The following RNF8 variants were observed in gnomAD, a reference collection of about 807,000 sequenced individuals.
RNF8 encodes E3 ubiquitin-protein ligase RNF8.
RNF8 carries 8 observed loss-of-function variants against 59.3 expected under a neutral mutation model. That is an observed-to-expected ratio of 0.13 (90% CI 0.08 to 0.24). RNF8 has a LOEUF of 0.24. Ranked by LOEUF, RNF8 falls within the 10% of genes least tolerant of loss-of-function variation. The probability of loss-of-function intolerance (pLI) is 1.00; values close to 1 mark genes in which losing one functional copy is unlikely to be tolerated. For missense variants in RNF8, 406 were observed against 572.6 expected (o/e 0.71, Z 2.97); for synonymous variants, 162 against 200.0 (o/e 0.81, Z 1.60).
intron 5 of RNF8, among the ~76,000 whole-genome samples, 197 bp downstream of exon 5, chr6:37,374,906 G>A (rs1769948357): frequency 6.6e-6 from 1 of 152,182 alleles, no homozygotes. Flanking sequence ...CCCTTGTTCA[G>A]AAGCAAAATG....
chr6:37,371,861 A>AGAGGTG (rs1407677582), intron 4 of RNF8, among the ~76,000 whole-genome samples: 1 of 152,170 alleles, frequency 6.6e-6, no homozygotes, highest in African/African-American at 2.4e-5. Context: ...AAGTGGCTCC[A>AGAGGTG]CTTCTAGAAA....
At chr6:37,356,985 C>T (rs1034994474) in intron 1 of RNF8, among the ~76,000 whole-genome samples, 6 of 152,194 alleles carry the variant, frequency 3.9e-5, no homozygotes, top group African/African-American at 9.6e-5. Flanking sequence ...GTGATCCGCC[C>T]GCCTGGGCTT....
At chr6:37,375,821 C>G (rs1173696461) in intron 5 of RNF8, among the ~76,000 whole-genome samples, 2 of 152,246 alleles carry the variant, frequency 1.3e-5, no homozygotes, top group Non-Finnish European at 2.9e-5. Context: ...ATCCTCTCCC[C>G]CTCAGGGGCT....
chr6:37,368,515 G>A lies in RNF8; in HGVS notation c.272G>A (p.Arg91His), dbSNP rs149686329. 30 of 1,613,978 alleles carry A rather than the reference G, an allele frequency of 1.9e-5. No individual in the cohort carries two copies. The highest frequency in any genetic ancestry group is 6.7e-5 in the African/African-American group (5 of 74,892). ...AATGGTGTTTGGCTGAACAGAGCGC[G>A]TCTGGAACCTTTAAGGGTCTATTCC... ...SLNGVWLNRARLEPLRVYSIH... is the reference protein window; with the variant it reads ...SLNGVWLNRAHLEPLRVYSIH... The change falls in exon 3 of 8, where the codon CGT becomes CAT. Residue 91 changes from arginine (R) to histidine (H), a missense_variant. Coordinates refer to ENST00000373479, the MANE Select transcript of RNF8 (RefSeq NM_003958.4).
intron 6 of RNF8, among the ~76,000 whole-genome samples, chr6:37,380,539 C>T (rs557821477): frequency 2.1e-4 from 32 of 151,524 alleles, no homozygotes; most frequent in African/African-American, 5.3e-4. Flanking sequence ...GGTGTAGTGG[C>T]AGGCGCCTGT....
chr6:37,381,235 G>A lies in RNF8; in HGVS notation c.1322G>A (p.Arg441Gln), dbSNP rs553505501. Residue 441 changes from arginine (R) to glutamine (Q), a missense_variant, in exon 7 of 8, where the codon CGG becomes CAG. Physicochemically the swap from Arg to Gln is conservative, Grantham distance 43. Transcript: ENST00000373479. ...CGGAAGATAGAATGCCCCATTTGTCGGAAGGACATTAAGTCCAAAACGTAC... is the reference window on the plus strand; with the variant it reads ...CGGAAGATAGAATGCCCCATTTGTCAGAAGGACATTAAGTCCAAAACGTAC... ...MKRKIECPIC[R>Q]KDIKSKTYSL... 49 of 1,613,954 alleles carry A rather than the reference G, an allele frequency of 3.0e-5. No homozygotes were observed. Among genetic ancestry groups the A allele is most frequent in the East Asian group, 1.8e-4 (8 of 44,892 alleles).
intron 6 of RNF8, among the ~76,000 whole-genome samples, chr6:37,377,634 T>C (rs553451903): frequency 8.5e-4 from 130 of 152,372 alleles, no homozygotes; most frequent in Non-Finnish European, 1.7e-3. Flanking sequence ...TTTATCTCTT[T>C]GTTGTTGAGG....
intron 2 of RNF8, among the ~76,000 whole-genome samples, chr6:37,367,907 A>G (rs988120550): frequency 1.3e-5 from 2 of 152,226 alleles, no homozygotes; most frequent in African/African-American, 2.4e-5. Context: ...CCAGAGCTCC[A>G]GCTCTTAACC....
rs1316870372 is a variant in RNF8 at position 37,392,290 on chromosome 6, A to G, written c.*1532A>G. On this transcript the variant is annotated 3_prime_UTR_variant, in exon 8 of 8. Transcript: ENST00000373479. ...TTTTGTTTATAGATTGCATGGGTAT[A>G]TGTCAATTTTTATATGTTCTGTGTT... The G allele has an allele frequency of 7.6e-6, 3 of 396,746 alleles. No individual in the cohort carries two copies. Among genetic ancestry groups the G allele is most frequent in the East Asian group, 7.1e-5 (2 of 28,030 alleles). The allele number at this position is 396,746 out of a possible 1,614,324, so 24.6% of individuals were successfully genotyped here.
intron 7 of RNF8, among the ~76,000 whole-genome samples, chr6:37,388,079 T>C (rs1466217267): frequency 6.6e-6 from 1 of 152,134 alleles, no homozygotes; most frequent in African/African-American, 2.4e-5. Flanking sequence ...AGTCTGGCTG[T>C]AGTGAAGAGA....
chr6:37,381,409 C>T lies in RNF8; in HGVS notation c.1441+55C>T. 4 of 1,471,544 alleles carry T rather than the reference C, an allele frequency of 2.7e-6. No individual in the cohort carries two copies. The South Asian group carries it at 3.6e-5, about 13-fold the overall frequency. 91.2% of individuals were successfully genotyped at this position (1,471,544 alleles called of 1,614,324 possible). On this transcript the variant is annotated intron_variant, in intron 7 of 7. Coordinates refer to ENST00000373479, the MANE Select transcript of RNF8 (RefSeq NM_003958.4). ...AAGAAAGGACTTATTTACTTCCAAA[C>T]TTCAACAAATATTTTTGGAAAGAGA...
chr6:37,367,703 C>T (rs1432358674), intron 2 of RNF8, among the ~76,000 whole-genome samples: 1 of 152,190 alleles, frequency 6.6e-6, no homozygotes, highest in African/African-American at 2.4e-5. Flanking sequence ...CACTCCCAGA[C>T]AGTAAATATT....
intron 7 of RNF8, among the ~76,000 whole-genome samples, chr6:37,385,140 A>G (rs1027543728): frequency 6.6e-6 from 1 of 151,610 alleles, no homozygotes; most frequent in East Asian, 2.0e-4. Flanking sequence ...CACCCTCCCA[A>G]GTAGCTGGGA....
Position 37,374,614 on chromosome 6 carries a change from T to C in RNF8, c.1039-6T>C, listed in dbSNP as rs1769935940. 6.2e-7 allele frequency: 1 copy of C among 1,612,010 alleles called. No individual in the cohort carries two copies. The highest frequency in any genetic ancestry group is 1.7e-5 in the Admixed American group (1 of 59,980). ...TCCTGAGTATGTATCTGCTATGTTT[T>C]TGCAGCATTGGGCTCTAATGGAAGA... is the stretch of plus-strand genomic sequence containing the variant. On this transcript the variant is annotated splice_polypyrimidine_tract_variant and splice_region_variant and intron_variant, in intron 4 of 7. Coordinates refer to ENST00000373479, the MANE Select transcript of RNF8 (RefSeq NM_003958.4).
chr6:37,371,934 T>TG (rs1215578870), intron 4 of RNF8, among the ~76,000 whole-genome samples: 1 of 152,212 alleles, frequency 6.6e-6, no homozygotes, highest in African/African-American at 2.4e-5. Context: ...TGAAGGCCTC[T>TG]GTTACCGCAA....
At position 37,381,250 on chromosome 6, in the gene RNF8, C is replaced by T; in HGVS notation, c.1337C>T (p.Ser446Phe). ...ECPICRKDIK[S>F]KTYSLVLDNC... is the part of the protein sequence containing the mutation. ...CCCATTTGTCGGAAGGACATTAAGT[C>T]CAAAACGTACTCTTTGGTTCTGGAC... Residue 446 changes from serine (S) to phenylalanine (F), a missense_variant, in exon 7 of 8, where the codon TCC becomes TTC. Around this residue, in one of 3 missense-constraint regions of RNF8, gnomAD observed 59 missense variants for 118.5 expected, o/e 0.50. Coordinates refer to ENST00000373479, the MANE Select transcript of RNF8 (RefSeq NM_003958.4). 1 of 1,614,088 alleles carries T rather than the reference C, an allele frequency of 6.2e-7. No individual in the cohort carries two copies. The highest frequency in any genetic ancestry group is 1.7e-5 in the Admixed American group (1 of 60,008).
intron 1 of RNF8, among the ~76,000 whole-genome samples, chr6:37,358,104 T>G (rs529134145): frequency 6.6e-6 from 1 of 152,274 alleles, no homozygotes; most frequent in East Asian, 1.9e-4. Context: ...CTGTGCAAGA[T>G]CTGAGAGAAG....
In RNF8 at chr6:37,377,003, A is replaced by G. The variant is rs760602295; in HGVS notation, c.1206A>G (p.Gln402=). 6 of 1,601,348 alleles carry G rather than the reference A, an allele frequency of 3.7e-6. No individual in the cohort carries two copies. Among genetic ancestry groups the G allele is most frequent in the African/African-American group, 2.7e-5 (2 of 74,254 alleles). The change falls in exon 6 of 8, where the codon CAA becomes CAG. Residue 402 remains glutamine (Q), a synonymous_variant. Transcript: ENST00000373479. ...ATGATGTGCTAGAGAATGAGCTCCA[A>G]TGTATTATTTGTTCAGAATACTTCA... The part of the protein sequence containing the change: ...HMNDVLENEL[Q]CIICSEYFIE...
chr6:37,361,997 A>C (rs1284533741), intron 2 of RNF8, among the ~76,000 whole-genome samples: 1 of 152,246 alleles, frequency 6.6e-6, no homozygotes, highest in African/African-American at 2.4e-5. Context: ...TGTGTCAAGT[A>C]TCAGTAAAGT....
Sources: allele counts gnomAD v4.1 joint callset (sites outside exome capture counted in the v4.1 genomes callset), GRCh38; gene constraint gnomAD v4.1.1; regional missense constraint gnomAD v4.1.1; transcripts MANE v1.5; gene names NCBI Gene and HGNC (gene_info 2026-07-23, HGNC 2026-07-21).